The following CENPA variants were observed in gnomAD, a reference collection of about 807,000 sequenced individuals.
The protein encoded by CENPA is histone H3-like centromeric protein A.
In CENPA, 7 loss-of-function variants were observed where a neutral mutation model predicts 17.2. The observed-to-expected ratio is 0.41, with a 90% CI of 0.23 to 0.76. The LOEUF (loss-of-function observed/expected upper bound fraction) is 0.76. CENPA is among the 30% of genes least tolerant of loss of function. CENPA has a pLI of 0.34. For missense variants in CENPA, 149 were observed against 193.1 expected, an observed-to-expected ratio of 0.77 and a Z score of 1.35; for synonymous variants, 82 against 77.4, an observed-to-expected ratio of 1.06 and a Z score of -0.31.
At chr2:26,793,011 C>A (rs1476896922) in intron 3 of CENPA, 134 bp from the exon 4 acceptor site, 4 of 1,350,948 alleles carry the variant, frequency 3.0e-6, no homozygotes, top group Non-Finnish European at 4.1e-6. Flanking sequence ...AATTCCCTGG[C>A]AAAGTTCAGT....
At chr2:26,792,978 T>A in intron 3 of CENPA, 145 bp downstream of exon 3, 1 of 1,250,536 alleles carries the variant, frequency 8.0e-7, no homozygotes. Flanking sequence ...GTTTGGAGGC[T>A]GGATTCTGCG....
chr2:26,787,880 C>A (rs944092587), intron 1 of CENPA, among the ~76,000 whole-genome samples: 4 of 151,842 alleles, frequency 2.6e-5, no homozygotes, highest in Non-Finnish European at 5.9e-5. Flanking sequence ...TTTAAGTAGA[C>A]TATTATGTCA....
chr2:26,790,163 A>G lies in CENPA; in HGVS notation c.101-1968A>G, dbSNP rs1234903248. Reference sequence around the variant, plus strand: ...CTCAAAGTTTCTATTTCTTTTCTCTATTAACTCAATTTCCTCTGGTATTGG... The same window carrying G: ...CTCAAAGTTTCTATTTCTTTTCTCTGTTAACTCAATTTCCTCTGGTATTGG... On this transcript the variant is annotated intron_variant, in intron 1 of 4. Coordinates refer to ENST00000335756, the MANE Select transcript of CENPA (RefSeq NM_001809.4). Among the ~76,000 whole-genome samples, 3 of 152,078 alleles carry G rather than the reference A, an allele frequency of 2.0e-5. 1 individual carries two copies. The highest frequency in any genetic ancestry group is 2.1e-4 in the South Asian group (1 of 4,818).
chr2:26,792,263 C>G (rs1481938113), intron 2 of CENPA, 23 bp downstream of exon 2: 1 of 1,571,328 alleles, frequency 6.4e-7, no homozygotes, highest in South Asian at 1.1e-5. Flanking sequence ...AGCTTCCCAC[C>G]AACCCCTATG....
intron 1 of CENPA, among the ~76,000 whole-genome samples, chr2:26,789,441 C>A (rs958812245): frequency 6.6e-6 from 1 of 151,930 alleles, no homozygotes; most frequent in African/African-American, 2.4e-5. Context: ...CCTTTCTACC[C>A]CCTCCCTAGG....
At chr2:26,790,177 C>T (rs1023664630) in intron 1 of CENPA, among the ~76,000 whole-genome samples, 3 of 152,024 alleles carry the variant, frequency 2.0e-5, no homozygotes, top group Admixed American at 2.0e-4. Flanking sequence ...ACTCAATTTC[C>T]TCTGGTATTG....
chr2:26,786,451 T>C (rs1664509879), intron 1 of CENPA, among the ~76,000 whole-genome samples, 155 bp downstream of exon 1: 1 of 152,222 alleles, frequency 6.6e-6, no homozygotes, highest in Admixed American at 6.5e-5. Flanking sequence ...GTGCCAGCCC[T>C]GCGAGGGGCT....
At chr2:26,790,228 A>AT (rs1664590926) in intron 1 of CENPA, among the ~76,000 whole-genome samples, 1 of 151,930 alleles carries the variant, frequency 6.6e-6, no homozygotes, top group East Asian at 1.9e-4. Context: ...CTTTCATGGT[A>AT]TTGGCCTTCT....
At chr2:26,793,428 G>A in intron 4 of CENPA, 102 bp downstream of exon 4, 1 of 1,054,684 alleles carries the variant, frequency 9.5e-7, no homozygotes, top group Non-Finnish European at 1.3e-6. Flanking sequence ...TTGTTCTCTA[G>A]TAAAGGTTGA....
Position 26,793,252 on chromosome 2 carries a change from C to T in CENPA, c.396C>T (p.Ile132=). The T allele has an allele frequency of 6.2e-7, 1 of 1,614,130 alleles. No individual in the cohort carries two copies. Among genetic ancestry groups the T allele is most frequent in the East Asian group, 2.2e-5 (1 of 44,888 alleles). ...FPKDVQLARR[I]RGLEEGLG ...AGGATGTGCAACTGGCCCGGAGGAT[C>T]CGGGGCCTTGAGGAGGGACTCGGCT... The change falls in exon 4 of 5, where the codon ATC becomes ATT. Residue 132 remains isoleucine, a synonymous_variant. Transcript: ENST00000335756.
chr2:26,792,480 C>T, intron 2 of CENPA: 3 of 712,036 alleles, frequency 4.2e-6, no homozygotes, highest in Non-Finnish European at 5.2e-6. Flanking sequence ...TAAATAGGAA[C>T]TCTCTCGTTT....
intron 4 of CENPA, 43 bp downstream of exon 4, chr2:26,793,369 A>C: frequency 5.9e-5 from 90 of 1,520,440 alleles, no homozygotes; most frequent in Non-Finnish European, 7.5e-5. Context: ...GGAATTTCTC[A>C]AGTAATTTCC....
chr2:26,787,275 G>T (rs1037414278), intron 1 of CENPA, among the ~76,000 whole-genome samples: 16 of 152,140 alleles, frequency 1.1e-4, no homozygotes, highest in South Asian at 2.1e-4. Context: ...GAGTGCAGTG[G>T]CGCGATCTCC....
chr2:26,787,886 T>C (rs1230632398), intron 1 of CENPA, among the ~76,000 whole-genome samples: 1 of 152,236 alleles, frequency 6.6e-6, no homozygotes, highest in Admixed American at 6.5e-5. Flanking sequence ...TAGACTATTA[T>C]GTCATCTGCA....
chr2:26,792,902 G>C (rs1269680102), intron 3 of CENPA, 69 bp downstream of exon 3: 1 of 1,438,256 alleles, frequency 7.0e-7, no homozygotes, highest in African/African-American at 1.4e-5. Flanking sequence ...GAATTCTCCA[G>C]TGCTGACTGG....
intron 1 of CENPA, among the ~76,000 whole-genome samples, chr2:26,788,961 C>T (rs576881951): frequency 2.7e-4 from 41 of 152,332 alleles, no homozygotes; most frequent in South Asian, 8.3e-4. Flanking sequence ...AGGCCTGAGC[C>T]GCTGCGCCTG....
chr2:26,791,061 T>C (rs1284503681), intron 1 of CENPA, among the ~76,000 whole-genome samples: 1 of 152,162 alleles, frequency 6.6e-6, no homozygotes, highest in South Asian at 2.1e-4. Context: ...GTTGTAATTA[T>C]GGAGCAACTG....
chr2:26,788,586 A>C (rs1308034352), intron 1 of CENPA, among the ~76,000 whole-genome samples: 2 of 152,080 alleles, frequency 1.3e-5, no homozygotes, highest in Non-Finnish European at 2.9e-5. Flanking sequence ...CCTACAGAGG[A>C]GCTTTCTACC....
chr2:26,793,737 T>A (rs1421521801), intron 4 of CENPA, 75 bp from the exon 5 acceptor site: 3 of 152,572 alleles, frequency 2.0e-5, no homozygotes, highest in African/African-American at 7.2e-5. Context: ...ATAAAAACTT[T>A]CTCTTTTTTG....
Sources: gnomAD v4.1 joint callset for allele counts (sites outside exome capture counted in the v4.1 genomes callset) on GRCh38, gnomAD v4.1.1 for gene constraint, MANE v1.5 for transcripts, NCBI Gene and HGNC (gene_info 2026-07-23, HGNC 2026-07-21) for gene names.